EPS15L1: variants seen among roughly 807,000 people sequenced by gnomAD.
EPS15L1 encodes epidermal growth factor receptor pathway substrate 15 like 1, also known as epidermal growth factor receptor substrate 15-like 1.
Under a neutral mutation model 117.1 loss-of-function variants are expected in EPS15L1, and 43 were observed. The observed-to-expected ratio is 0.37, with a 90% CI of 0.29 to 0.47. The LOEUF is 0.47. Ranked by LOEUF, EPS15L1 falls within the 20% of genes least tolerant of loss-of-function variation. The probability of loss-of-function intolerance (pLI) is 0.99; values close to 1 mark genes in which losing one functional copy is unlikely to be tolerated. For synonymous variants in EPS15L1, 459 were observed against 470.5 expected (o/e 0.98, Z 0.32); for missense variants, 981 against 1,164.0 (o/e 0.84, Z 2.29).
intron 1 of EPS15L1, among the ~76,000 whole-genome samples, chr19:16,448,812 A>G (rs1266705328): frequency 1.3e-5 from 2 of 152,164 alleles, no homozygotes; most frequent in Non-Finnish European, 2.9e-5. Flanking sequence ...CCTGGGTGAC[A>G]GAGCAAGACT....
chr19:16,425,406 A>G, intron 8 of EPS15L1, 90 bp from the exon 9 acceptor site: 3 of 858,120 alleles, frequency 3.5e-6, no homozygotes, highest in South Asian at 1.4e-5. Flanking sequence ...TGGGGGCTGC[A>G]GTGACAGGAC....
chr19:16,404,519 G>A lies in EPS15L1; in HGVS notation c.1428+69C>T, dbSNP rs2092635271. On this transcript the variant is annotated intron_variant, in intron 14 of 23. Transcript: ENST00000455140. The surrounding 1 kb of genome is among the most constrained non-coding windows in gnomAD (Gnocchi z 4.2). ...AGTGTTGTGTTCCCAGGTAACACGA[G>A]CTCAGGGGAGTCCTTGGGAAGCCCC... 1.3e-6 allele frequency: 2 copies of A among 1,555,146 alleles called. No homozygotes were observed. The highest frequency in any genetic ancestry group is 1.4e-5 in the African/African-American group (1 of 73,828).
chr19:16,464,420 G>A (rs1033559690), intron 1 of EPS15L1, among the ~76,000 whole-genome samples: 2 of 152,168 alleles, frequency 1.3e-5, no homozygotes, highest in Non-Finnish European at 2.9e-5. Flanking sequence ...CCAGCCACTG[G>A]CCACTCTCTC....
intron 22 of EPS15L1, among the ~76,000 whole-genome samples, chr19:16,368,555 C>A (rs2092172442): frequency 6.6e-6 from 1 of 151,944 alleles, no homozygotes; most frequent in Non-Finnish European, 1.5e-5. Flanking sequence ...TCCTGCACAA[C>A]ATGCACACCC....
chr19:16,453,615 A>C, intron 1 of EPS15L1, among the ~76,000 whole-genome samples: 1 of 152,126 alleles, frequency 6.6e-6, no homozygotes, highest in East Asian at 1.9e-4. Flanking sequence ...CGGGAGGCTG[A>C]AGCAGGAGAA....
intron 3 of EPS15L1, 41 bp downstream of exon 3, chr19:16,441,851 G>T: frequency 6.6e-7 from 1 of 1,523,362 alleles, no homozygotes; most frequent in South Asian, 1.2e-5. Flanking sequence ...GGAGCTGTGA[G>T]GGCAGCCACA....
intron 13 of EPS15L1, among the ~76,000 whole-genome samples, chr19:16,407,227 TCA>T (rs1253179113): frequency 6.6e-6 from 1 of 152,196 alleles, no homozygotes; most frequent in Non-Finnish European, 1.5e-5. Flanking sequence ...AAGAGGGTTC[TCA>T]CAGTCTCAAC....
chr19:16,428,219 A>G (rs2092892341), intron 8 of EPS15L1, among the ~76,000 whole-genome samples: 1 of 148,260 alleles, frequency 6.7e-6, no homozygotes, highest in Non-Finnish European at 1.5e-5. Context: ...AAAGAAAGAA[A>G]GAAAGAAAGA....
chr19:16,377,044 C>A, intron 22 of EPS15L1, 78 bp downstream of exon 22: 3 of 1,500,254 alleles, frequency 2.0e-6, no homozygotes, highest in African/African-American at 1.4e-5. Context: ...CTACTCTGGG[C>A]TGGTGAGCAG....
At chr19:16,453,718 A>G (rs2093168386) in intron 1 of EPS15L1, among the ~76,000 whole-genome samples, 2 of 151,354 alleles carry the variant, frequency 1.3e-5, no homozygotes, top group Admixed American at 6.6e-5. Context: ...ATCTCAAAAA[A>G]AAGAAAAAAA....
intron 9 of EPS15L1, among the ~76,000 whole-genome samples, chr19:16,423,158 C>A (rs2092834568): frequency 6.6e-6 from 1 of 152,134 alleles, no homozygotes; most frequent in Non-Finnish European, 1.5e-5. Flanking sequence ...AATCAGAAAG[C>A]AAGCTTGGGA....
rs780116455 is a variant in EPS15L1, at chr19:16,381,828, G to C, written c.2247+3301C>G. Among the ~76,000 whole-genome samples, 2 of 152,224 alleles carry C rather than the reference G, an allele frequency of 1.3e-5. No homozygotes were observed. Among genetic ancestry groups the C allele is most frequent in the South Asian group, 4.1e-4 (2 of 4,834 alleles). ...GAACATGTCCCTGGGCCTAGGGCCC[G>C]TGCGAGTCCCCCGCGGCCTGGGATG... is the stretch of plus-strand genomic sequence containing the variant. On this transcript the variant is annotated intron_variant, in intron 21 of 23. Transcript: ENST00000455140. This position sits in a 1 kb window ranked among gnomAD's most constrained non-coding sequence, Gnocchi z 4.2.
chr19:16,445,704 T>C (rs759672933), intron 1 of EPS15L1, among the ~76,000 whole-genome samples: 2 of 152,172 alleles, frequency 1.3e-5, no homozygotes, highest in Non-Finnish European at 2.9e-5. Context: ...GCCCTCTGTA[T>C]GCTGAGAGCA....
At chr19:16,427,008 C>T (rs149537556) in intron 8 of EPS15L1, among the ~76,000 whole-genome samples, 28 of 152,226 alleles carry the variant, frequency 1.8e-4, no homozygotes, top group Middle Eastern at 6.8e-3. Flanking sequence ...GATGAAGAGG[C>T]ATCATGTCTG....
intron 4 of EPS15L1, among the ~76,000 whole-genome samples, chr19:16,438,673 G>C (rs1003055553): frequency 2.6e-5 from 4 of 152,128 alleles, no homozygotes; most frequent in Non-Finnish European, 5.9e-5. Context: ...GGGACCACAG[G>C]TGTGCACCAC....
intron 6 of EPS15L1, chr19:16,436,667 A>G (rs1423215881): frequency 2.6e-6 from 1 of 390,040 alleles, no homozygotes; most frequent in African/African-American, 2.0e-5. Flanking sequence ...GCAGCCCTTT[A>G]ATAATCCAAC....
intron 10 of EPS15L1, among the ~76,000 whole-genome samples, chr19:16,420,827 G>T (rs2092806346): frequency 6.6e-6 from 1 of 152,148 alleles, no homozygotes; most frequent in Non-Finnish European, 1.5e-5. Context: ...TCCTCGACTG[G>T]GCTCTGAGGC....
rs1381550916 is a variant in EPS15L1 at position 16,417,599 on chromosome 19, G to T, written c.1146C>A (p.Gly382=). 14 of 1,613,946 alleles carry T rather than the reference G, an allele frequency of 8.7e-6. No individual in the cohort carries two copies. In the East Asian group the frequency reaches 3.1e-4, roughly 36 times the overall value. Reference sequence around the variant, plus strand: ...GACTGATGTCATCAAGCTCCTTCACGCCAGTAAACTCCCCGGAGCCGAGAG... The same window carrying T: ...GACTGATGTCATCAAGCTCCTTCACTCCAGTAAACTCCCCGGAGCCGAGAG... ...SGSLGSGEFT[G]VKELDDISQE... Residue 382 remains glycine (G), a synonymous_variant, in exon 12 of 24, where the codon GGC becomes GGA. Coordinates refer to ENST00000455140, the MANE Select transcript of EPS15L1 (RefSeq NM_001258374.3).
rs1005217568 is a variant in EPS15L1, at chr19:16,448,552, G to T, written c.34-6333C>A. 8.4e-5 allele frequency among the ~76,000 whole-genome samples: 12 copies of T among 143,490 alleles called. 1 individual carries two copies. The highest frequency in any genetic ancestry group is 1.1e-4 in the Non-Finnish European group (7 of 66,034). 94.1% of individuals were successfully genotyped at this position (143,490 alleles called of 152,430 possible). On this transcript the variant is annotated intron_variant, in intron 1 of 23. Coordinates refer to ENST00000455140, the MANE Select transcript of EPS15L1 (RefSeq NM_001258374.3). ...AAATTCCGTATTAAAAAAAAAGGGG[G>T]GGGGAGAAAGGCCGGGCGCGGTGGC...
Sources: gnomAD v4.1 joint callset for allele counts (sites outside exome capture counted in the v4.1 genomes callset) on GRCh38, gnomAD v4.1.1 for gene constraint, Gnocchi (gnomAD v3.1) non-coding constraint, MANE v1.5 for transcripts, NCBI Gene and HGNC (gene_info 2026-07-23, HGNC 2026-07-21) for gene names.